Variants in VSIG4 observed in about 807,000 individuals in gnomAD.
VSIG4 encodes the protein V-set and immunoglobulin domain containing 4.
VSIG4 carries 34 observed loss-of-function variants against 23.4 expected under a neutral mutation model. The observed-to-expected ratio is 1.45, with a 90% confidence interval of 1.10 to 1.93. The LOEUF (loss-of-function observed/expected upper bound fraction) is 1.93. VSIG4 is among the 30% of genes most tolerant of loss of function. The probability of loss-of-function intolerance (pLI) is 0.00; values close to 1 mark genes in which losing one functional copy is unlikely to be tolerated. For synonymous variants in VSIG4, 169 were observed against 120.3 expected, an observed-to-expected ratio of 1.41 and a Z score of -2.65; for missense variants, 433 against 310.8, an observed-to-expected ratio of 1.39 and a Z score of -2.96.
chrX:66,039,488 T>G (rs1319260884), intron 1 of VSIG4, among the ~76,000 whole-genome samples: 1 of 111,710 alleles, frequency 9.0e-6, no homozygotes, highest in East Asian at 2.8e-4. Context: ...TTCATGACAA[T>G]GAAGGGTGGT....
chrX:66,033,778 A>G lies in VSIG4; in HGVS notation c.108T>C (p.Asp36=). Residue 36 remains aspartate (D), a synonymous_variant, in exon 2 of 8, where the codon GAT becomes GAC. Coordinates refer to ENST00000374737, the MANE Select transcript of VSIG4 (RefSeq NM_007268.3). ...PESVTGPWKG[D]VNLPCTYDPL... ...GGTCATAGGTGCAGGGAAGATTCAC[A>G]TCCCCTTTCCAAGGTCCTGTTACAC... is the stretch of plus-strand genomic sequence containing the variant. 12 of 1,211,068 alleles carry G rather than the reference A, an allele frequency of 9.9e-6. No homozygotes were observed. The highest frequency in any genetic ancestry group is 1.3e-5 in the Non-Finnish European group (12 of 895,264).
Position 66,033,565 on chromosome X carries a change from G to A in VSIG4, c.321C>T (p.Asp107=). The A allele has an allele frequency of 8.3e-7, 1 of 1,211,590 alleles. No individual in the cohort carries two copies. Among genetic ancestry groups the A allele is most frequent in the Non-Finnish European group, 1.1e-6 (1 of 895,414 alleles). ...SLQLSTLEMD[D]RSHYTCEVTW... ...TGACTTCACACGTGTAGTGGCTCCG[G>A]TCATCCATCTCCAGGGTGCTCAATT... Residue 107 remains aspartate (D), a synonymous_variant, in exon 2 of 8, where the codon GAC becomes GAT. Coordinates refer to ENST00000374737, the MANE Select transcript of VSIG4 (RefSeq NM_007268.3).
chrX:66,033,884 C>T (rs1473227595), intron 1 of VSIG4, 54 bp from the exon 2 acceptor site: 2 of 990,590 alleles, frequency 2.0e-6, no homozygotes, highest in Non-Finnish European at 2.8e-6. Context: ...ACCTACTTGG[C>T]AACTAAGGTG....
intron 6 of VSIG4, 119 bp downstream of exon 6, chrX:66,024,906 A>T: frequency 2.0e-6 from 1 of 490,482 alleles, no homozygotes; most frequent in Non-Finnish European, 3.2e-6. Context: ...CTTAACTCCC[A>T]AACTAGGCTG....
intron 6 of VSIG4, among the ~76,000 whole-genome samples, chrX:66,024,631 A>G (rs2085368907): frequency 1.8e-5 from 2 of 111,869 alleles, no homozygotes; most frequent in Admixed American, 1.9e-4. Context: ...TCCCTTTAGC[A>G]TTAATTGTCT....
rs188103217 is a variant in VSIG4 at position 66,039,930 on chromosome X, C to G, written c.55+14G>C. 3 of 1,210,839 alleles carry G rather than the reference C, an allele frequency of 2.5e-6. No individual in the cohort carries two copies. The Admixed American group carries it at 6.5e-5, about 26-fold the overall frequency. On this transcript the variant is annotated intron_variant, in intron 1 of 7. Transcript: ENST00000374737. ...AAGCCAGCAATGGCAGCCAGGCCCCCCTTTCTGCCTTACCATAAGTGTCCA... is the reference window on the plus strand; with the variant it reads ...AAGCCAGCAATGGCAGCCAGGCCCCGCTTTCTGCCTTACCATAAGTGTCCA...
Position 66,022,273 on chromosome X carries a change from C to T in VSIG4, c.1190G>A (p.Ser397Asn), listed in dbSNP as rs35553694. Reference protein sequence around the residue: ...DYEFLATEGKSVC With the variant: ...DYEFLATEGKNVC ...CCTAATGGGGCATTTTTAACAGACACTTTTGCCCTCAGTGGCCAGAAACTC... is the reference window on the plus strand; with the variant it reads ...CCTAATGGGGCATTTTTAACAGACATTTTTGCCCTCAGTGGCCAGAAACTC... The change falls in exon 8 of 8, where the codon AGT (serine) becomes AAT (asparagine). Residue 397 changes from serine to asparagine, a missense_variant. Transcript: ENST00000374737. 7.4e-6 allele frequency: 9 copies of T among 1,210,955 alleles called. No individual in the cohort carries two copies. The highest frequency in any genetic ancestry group is 1.7e-5 in the African/African-American group (1 of 57,513).
intron 2 of VSIG4, 136 bp downstream of exon 2, chrX:66,033,338 T>G: frequency 1.8e-6 from 1 of 562,630 alleles, no homozygotes; most frequent in African/African-American, 2.3e-5. Flanking sequence ...GCCTGTCCAC[T>G]TCCTCTGATA....
At chrX:66,035,992 A>G (rs2085533792) in intron 1 of VSIG4, among the ~76,000 whole-genome samples, 1 of 112,020 alleles carries the variant, frequency 8.9e-6, no homozygotes, top group African/African-American at 3.2e-5. Context: ...CCTATCAAGA[A>G]AATTGCTAGA....
At position 66,033,505 on chromosome X, in the gene VSIG4, T is replaced by C; in HGVS notation, c.381A>G (p.Arg127=). ...WQTPDGNQVV[R]DKITELRVQK... Reference sequence around the variant, plus strand: ...GGACACGGAGCTCAGTAATCTTATCTCTCACGACTTGGTTGCCATCAGGAG... The same window carrying C: ...GGACACGGAGCTCAGTAATCTTATCCCTCACGACTTGGTTGCCATCAGGAG... Residue 127 remains arginine (R), a synonymous_variant, in exon 2 of 8, where the codon AGA becomes AGG. Coordinates refer to ENST00000374737, the MANE Select transcript of VSIG4 (RefSeq NM_007268.3). 12 of 1,210,053 alleles carry C rather than the reference T, an allele frequency of 9.9e-6. No homozygotes were observed. The highest frequency in any genetic ancestry group is 1.3e-5 in the Non-Finnish European group (12 of 894,518).
intron 1 of VSIG4, among the ~76,000 whole-genome samples, chrX:66,038,808 C>T (rs762588206): frequency 3.6e-5 from 4 of 111,338 alleles, no homozygotes. Context: ...TGATGGGTCA[C>T]AGAGCCCCAG....
chrX:66,038,741 T>C (rs915607980), intron 1 of VSIG4, among the ~76,000 whole-genome samples: 45 of 111,100 alleles, frequency 4.1e-4, no homozygotes, highest in Admixed American at 3.8e-3. Context: ...GGGCAAATTA[T>C]TTTTTCTCTT....
chrX:66,034,740 G>A (rs1214771906), intron 1 of VSIG4, among the ~76,000 whole-genome samples: 2 of 84,197 alleles, frequency 2.4e-5, no homozygotes, highest in African/African-American at 4.7e-5. Context: ...GCTCCTTGGC[G>A]TGTTTGAGAA....
intron 3 of VSIG4, among the ~76,000 whole-genome samples, chrX:66,031,591 G>A (rs1348680781): frequency 9.0e-6 from 1 of 110,993 alleles, no homozygotes; most frequent in Non-Finnish European, 1.9e-5. Context: ...ATGGTTCTGA[G>A]GGCAATTCCC....
intron 4 of VSIG4, 122 bp downstream of exon 4, chrX:66,027,928 T>A: frequency 1.6e-6 from 1 of 631,556 alleles, no homozygotes; most frequent in South Asian, 2.4e-5. Flanking sequence ...TTTACTGCTA[T>A]GTTCTCTCTG....
In VSIG4 at chrX:66,033,977, C is replaced by A. The variant is rs1404282278; in HGVS notation, c.56-147G>T. ...ACTTTTGTGTACCTGTGCCCTTTTGCTCTTTGCCAGCCTTCTCATCAATCA... is the reference window on the plus strand; with the variant it reads ...ACTTTTGTGTACCTGTGCCCTTTTGATCTTTGCCAGCCTTCTCATCAATCA... On this transcript the variant is annotated intron_variant, in intron 1 of 7. Coordinates refer to ENST00000374737, the MANE Select transcript of VSIG4 (RefSeq NM_007268.3). The A allele has an allele frequency of 1.1e-5, 5 of 467,002 alleles. No individual in the cohort carries two copies. The Admixed American group carries it at 2.0e-4, about 19-fold the overall frequency. The allele number at this position is 467,002 out of a possible 1,213,427, so 38.5% of individuals were successfully genotyped here.
intron 1 of VSIG4, among the ~76,000 whole-genome samples, chrX:66,036,960 TTATATAA>T (rs1451241587): frequency 5.5e-5 from 2 of 36,240 alleles, no homozygotes; most frequent in Non-Finnish European, 7.8e-5. Context: ...TTATATTATA[TTATATAA>T]TATATAATAT....
chrX:66,022,622 A>AG, intron 7 of VSIG4, 122 bp from the exon 8 acceptor site: 4 of 1,134,084 alleles, frequency 3.5e-6, no homozygotes, highest in Non-Finnish European at 4.7e-6. Context: ...GGATTCTGGA[A>AG]GCAGAAGGCA....
intron 5 of VSIG4, among the ~76,000 whole-genome samples, chrX:66,026,082 A>C (rs1273751678): frequency 8.9e-6 from 1 of 112,279 alleles, no homozygotes; most frequent in African/African-American, 3.2e-5. Flanking sequence ...GACTGTCACT[A>C]GGCCTTAGTT....
Sources: gnomAD v4.1 joint callset for allele counts (sites outside exome capture counted in the v4.1 genomes callset) on GRCh38, gnomAD v4.1.1 for gene constraint, MANE v1.5 for transcripts, NCBI Gene and HGNC (gene_info 2026-07-23, HGNC 2026-07-21) for gene names.